The following DPYD variants were observed in gnomAD, a reference collection of about 807,000 sequenced individuals.
DPYD encodes dihydropyrimidine dehydrogenase.
A neutral mutation model predicts 116.2 loss-of-function variants in DPYD; 109 were observed. The ratio of observed to expected loss-of-function variants is 0.94; its 90% confidence interval spans 0.80 to 1.10. The LOEUF is 1.10. Among genes scored for constraint, DPYD ranks in the 50% least tolerant of loss-of-function variants. The pLI, the probability that DPYD is intolerant of heterozygous loss-of-function variation, is 0.00. For missense variants in DPYD, 1,302 were observed against 1,254.5 expected (o/e 1.04, Z -0.57); for synonymous variants, 440 against 432.0 (o/e 1.02, Z -0.23).
intron 2 of DPYD, among the ~76,000 whole-genome samples, chr1:97,881,173 A>G (rs1672200403): frequency 6.6e-6 from 1 of 152,054 alleles, no homozygotes; most frequent in South Asian, 2.1e-4. Flanking sequence ...ATGTAGCTAT[A>G]TTTGGAGAGA....
At chr1:97,251,391 T>TACAA (rs1663081249) in intron 18 of DPYD, among the ~76,000 whole-genome samples, 2 of 95,360 alleles carry the variant, frequency 2.1e-5, no homozygotes, top group Admixed American at 1.3e-4. Context: ...AAACTCTGTC[T>TACAA]AAAAAAAAAA....
chr1:97,275,135 G>C (rs1664853486), intron 18 of DPYD, among the ~76,000 whole-genome samples: 1 of 152,184 alleles, frequency 6.6e-6, no homozygotes, highest in Non-Finnish European at 1.5e-5. Flanking sequence ...ATTATGGCCT[G>C]GGGCAGTGGC....
chr1:97,761,250 A>C (rs1447899427), intron 3 of DPYD, among the ~76,000 whole-genome samples: 1 of 152,128 alleles, frequency 6.6e-6, no homozygotes, highest in Non-Finnish European at 1.5e-5. Flanking sequence ...TACAAGGAAA[A>C]ACTAATACCA....
At chr1:97,320,081 T>C (rs1668144998) in intron 16 of DPYD, among the ~76,000 whole-genome samples, 1 of 136,072 alleles carries the variant, frequency 7.3e-6, no homozygotes, top group African/African-American at 2.7e-5. Context: ...TGGGATGTAT[T>C]TCAAAATAAT....
intron 19 of DPYD, among the ~76,000 whole-genome samples, chr1:97,234,217 C>T (rs1661759182): frequency 1.3e-5 from 2 of 151,960 alleles, no homozygotes; most frequent in Non-Finnish European, 2.9e-5. Context: ...CAGTACTAAG[C>T]CCATGTTGAG....
intron 19 of DPYD, among the ~76,000 whole-genome samples, chr1:97,206,527 T>C (rs1659611162): frequency 6.6e-6 from 1 of 150,386 alleles, no homozygotes; most frequent in Non-Finnish European, 1.5e-5. Context: ...AGATTAAAAT[T>C]CTGGCTCAGT....
chr1:97,606,476 G>A (rs1392194988), intron 8 of DPYD, among the ~76,000 whole-genome samples: 2 of 151,914 alleles, frequency 1.3e-5, no homozygotes, highest in Non-Finnish European at 2.9e-5. Context: ...AAAGATTAAT[G>A]TTTCCAGTCA....
intron 13 of DPYD, among the ~76,000 whole-genome samples, chr1:97,481,808 C>G (rs904516951): frequency 1.3e-5 from 2 of 151,970 alleles, no homozygotes; most frequent in African/African-American, 4.8e-5. Flanking sequence ...GGATTTTTGC[C>G]TAACATAAAT....
chr1:97,309,568 G>A (rs1198458308), intron 16 of DPYD, among the ~76,000 whole-genome samples: 1 of 151,728 alleles, frequency 6.6e-6, no homozygotes, highest in Non-Finnish European at 1.5e-5. Flanking sequence ...AGGTACCAGA[G>A]CAGACTTGTG....
At chr1:97,382,924 C>T (rs1421517030) in intron 14 of DPYD, among the ~76,000 whole-genome samples, 1 of 152,122 alleles carries the variant, frequency 6.6e-6, no homozygotes, top group African/African-American at 2.4e-5. Context: ...ACATAACTCA[C>T]TATAGTACAC....
chr1:97,232,365 G>A (rs938949869), intron 19 of DPYD, among the ~76,000 whole-genome samples: 9 of 152,114 alleles, frequency 5.9e-5, no homozygotes, highest in African/African-American at 2.2e-4. Flanking sequence ...TGAATATGAT[G>A]GATTTTGGTA....
chr1:97,866,646 T>A (rs1671393152), intron 2 of DPYD, among the ~76,000 whole-genome samples: 1 of 151,890 alleles, frequency 6.6e-6, no homozygotes, highest in Non-Finnish European at 1.5e-5. Context: ...ATAGAGATGA[T>A]AATAAATTCT....
chr1:97,674,338 T>C (rs563322063), intron 8 of DPYD, among the ~76,000 whole-genome samples: 3 of 152,170 alleles, frequency 2.0e-5, no homozygotes, highest in Admixed American at 1.3e-4. Context: ...TTTCACTGCA[T>C]TTTCCCCTTA....
At chr1:97,231,602 C>T (rs746023038) in intron 19 of DPYD, among the ~76,000 whole-genome samples, 2 of 152,166 alleles carry the variant, frequency 1.3e-5, no homozygotes, top group Non-Finnish European at 2.9e-5. Context: ...AACTACCTCC[C>T]ACCAGGTCCC....
chr1:97,447,388 C>T (rs1387087555), intron 14 of DPYD, among the ~76,000 whole-genome samples: 2 of 152,224 alleles, frequency 1.3e-5, no homozygotes, highest in East Asian at 1.9e-4. Flanking sequence ...TCCAAAACAG[C>T]GGGGGACTGT....
chr1:97,399,979 C>T (rs549270147), intron 14 of DPYD, among the ~76,000 whole-genome samples: 2 of 152,252 alleles, frequency 1.3e-5, no homozygotes, highest in African/African-American at 4.8e-5. Flanking sequence ...GAACTTCCAG[C>T]ACTATGTTGA....
At chr1:97,400,406 T>A (rs914424741) in intron 14 of DPYD, among the ~76,000 whole-genome samples, 1 of 152,180 alleles carries the variant, frequency 6.6e-6, no homozygotes, top group African/African-American at 2.4e-5. Flanking sequence ...TGGTCTAAAA[T>A]TATCTTTTTC....
Position 97,431,915 on chromosome 1 carries a change from A to G in DPYD, c.1905+18144T>C, listed in dbSNP as rs958047697. Among the ~76,000 whole-genome samples, 9 of 152,046 alleles carry G rather than the reference A, an allele frequency of 5.9e-5. No homozygotes were observed. The South Asian group carries it at 6.2e-4, about 11-fold the overall frequency. On this transcript the variant is annotated intron_variant, in intron 14 of 22. Coordinates refer to ENST00000370192, the MANE Select transcript of DPYD (RefSeq NM_000110.4). ...AATCGCCATTCTACACTCTATCTCC[A>G]TGAGATCAGTTTTTTATCTCTCATA...
chr1:97,293,362 A>G (rs1474596818), intron 18 of DPYD, among the ~76,000 whole-genome samples: 2 of 152,228 alleles, frequency 1.3e-5, no homozygotes, highest in Non-Finnish European at 2.9e-5. Context: ...TTAAGTGTAC[A>G]GTATGAAGAG....
Sources: allele counts gnomAD v4.1 joint callset (sites outside exome capture counted in the v4.1 genomes callset), GRCh38; gene constraint gnomAD v4.1.1; transcripts MANE v1.5; gene names NCBI Gene and HGNC (gene_info 2026-07-23, HGNC 2026-07-21).